FPR3: variants seen among roughly 807,000 people sequenced by gnomAD.
FPR3 encodes formyl peptide receptor 3, also known as N-formyl peptide receptor 3.
For missense variants in FPR3, 346 were observed against 443.2 expected (o/e 0.78, Z 1.97); for synonymous variants, 135 against 163.6 (o/e 0.83, Z 1.34).
Position 51,801,369 on chromosome 19 carries a change from GT to G in FPR3, c.-11+6041del, listed in dbSNP as rs571914016. On this transcript the variant is annotated intron_variant, in intron 1 of 1. Transcript: ENST00000339223. ...CAAATTGAAACAGTTTTACAATTTG[GT>G]TTGACTGGAAATTCAAAATCCATAT... Among the ~76,000 whole-genome samples the G allele has an allele frequency of 4.0e-3, 612 of 152,142 alleles. 4 individuals are homozygous for G. Among genetic ancestry groups the G allele is most frequent in the Middle Eastern group, 0.014 (4 of 294 alleles).
At chr19:51,799,927 C>T (rs2084019168) in intron 1 of FPR3, among the ~76,000 whole-genome samples, 1 of 152,228 alleles carries the variant, frequency 6.6e-6, no homozygotes, top group Non-Finnish European at 1.5e-5. Context: ...GGCCAGGATG[C>T]TGAGCTGGCC....
intron 1 of FPR3, among the ~76,000 whole-genome samples, 173 bp downstream of exon 1, chr19:51,795,504 CTTTTTTTTTTTTTTTT>C (rs58620565): frequency 2.7e-5 from 2 of 74,732 alleles, no homozygotes; most frequent in Non-Finnish European, 4.6e-5. Context: ...CAGTAACATT[CTTTTTTTTTTTTTTTT>C]TTTTTTTTTT....
chr19:51,816,963 C>A (rs1203688985), intron 1 of FPR3, among the ~76,000 whole-genome samples: 3 of 152,090 alleles, frequency 2.0e-5, no homozygotes. Context: ...ATTTTTTCAC[C>A]TTGGTAATTT....
intron 1 of FPR3, among the ~76,000 whole-genome samples, chr19:51,813,527 A>ATGGGATGT (rs1288530306): frequency 6.6e-6 from 1 of 151,834 alleles, no homozygotes; most frequent in East Asian, 1.9e-4. Context: ...ATAAAGGAGG[A>ATGGGATGT]TGGGATGTTT....
At chr19:51,823,070 C>T (rs1241660400) in intron 1 of FPR3, among the ~76,000 whole-genome samples, 1 of 152,058 alleles carries the variant, frequency 6.6e-6, no homozygotes, top group Admixed American at 6.5e-5. Context: ...ACCATGTTGG[C>T]CAGGCCAGTC....
intron 1 of FPR3, among the ~76,000 whole-genome samples, chr19:51,814,747 C>T (rs1207510272): frequency 6.6e-6 from 1 of 152,108 alleles, no homozygotes; most frequent in Non-Finnish European, 1.5e-5. Context: ...CCCACCTCGG[C>T]CTCCCAAAGT....
chr19:51,818,906 T>C (rs1278068574), intron 1 of FPR3, among the ~76,000 whole-genome samples: 1 of 152,190 alleles, frequency 6.6e-6, no homozygotes, highest in Non-Finnish European at 1.5e-5. Context: ...ATATAATTTG[T>C]CTGTGTCTGG....
At chr19:51,802,669 A>G (rs1310632821) in intron 1 of FPR3, among the ~76,000 whole-genome samples, 1 of 152,134 alleles carries the variant, frequency 6.6e-6, no homozygotes, top group African/African-American at 2.4e-5. Flanking sequence ...GGAAAACTTA[A>G]TTACTTTACC....
At position 51,816,463 on chromosome 19, in the gene FPR3, G is replaced by T. The variant is rs201668496; in HGVS notation, c.-10-7276G>T. 3.3e-5 allele frequency among the ~76,000 whole-genome samples: 5 copies of T among 152,300 alleles called. No individual in the cohort carries two copies. In the East Asian group the frequency reaches 5.8e-4, roughly 18 times the overall value. On this transcript the variant is annotated intron_variant, in intron 1 of 1. Transcript: ENST00000339223. Reference sequence around the variant, plus strand: ...AGGTTTTGCCACATTGGCCAGACTGGTCTCCAAATCCTGGCCTCAAGTGAT... The same window carrying T: ...AGGTTTTGCCACATTGGCCAGACTGTTCTCCAAATCCTGGCCTCAAGTGAT...
chr19:51,806,244 G>A (rs967550196), intron 1 of FPR3, among the ~76,000 whole-genome samples: 8 of 152,212 alleles, frequency 5.3e-5, no homozygotes, highest in African/African-American at 1.9e-4. Flanking sequence ...TGTTTCTCCA[G>A]TCTCCCATTC....
rs980875331 is a variant in FPR3 at position 51,795,194 on chromosome 19, C to G, written c.-148C>G. On this transcript the variant is annotated 5_prime_UTR_variant, in exon 1 of 2. Coordinates refer to ENST00000339223, the MANE Select transcript of FPR3 (RefSeq NM_002030.5). ...TTTGTTTTATAGCATGACAGGCTGT[C>G]TGATTCCATCTTTATAACCAAAGCC... 7.9e-5 allele frequency: 12 copies of G among 152,188 alleles called. No individual in the cohort carries two copies. The highest frequency in any genetic ancestry group is 1.8e-4 in the Non-Finnish European group (12 of 68,042). 9.4% of individuals were successfully genotyped at this position (152,188 alleles called of 1,614,324 possible).
At chr19:51,808,452 T>C (rs1432268185) in intron 1 of FPR3, among the ~76,000 whole-genome samples, 1 of 152,202 alleles carries the variant, frequency 6.6e-6, no homozygotes, top group South Asian at 2.1e-4. Flanking sequence ...AAGAATATCA[T>C]CCATATAATG....
intron 1 of FPR3, among the ~76,000 whole-genome samples, chr19:51,814,486 T>TTTTG (rs111878163): frequency 0.49 from 73,623 of 151,292 alleles, 18,635 homozygotes; most frequent in African/African-American, 0.64. Flanking sequence ...GGTTTTTGTT[T>TTTTG]TTTGTTTGTT....
rs774034054 is a variant in FPR3 at position 51,825,148 on chromosome 19, C to A, written c.*338C>A. 1 of 245,348 alleles carries A rather than the reference C, an allele frequency of 4.1e-6. No individual in the cohort carries two copies. Among genetic ancestry groups the A allele is most frequent in the African/African-American group, 2.3e-5 (1 of 43,898 alleles). The allele number at this position is 245,348 out of a possible 1,614,324, so 15.2% of individuals were successfully genotyped here. A position where few individuals can be genotyped will look rare whatever the true frequency, so the allele number is the denominator to read the frequency against. On this transcript the variant is annotated 3_prime_UTR_variant, in exon 2 of 2. Coordinates refer to ENST00000339223, the MANE Select transcript of FPR3 (RefSeq NM_002030.5). ...CAACCAGCTTCAATCAGGGTTCCCA[C>A]TACCCCCTCTTTGGGGGTAGAGTGG...
chr19:51,814,608 C>T (rs1019236069), intron 1 of FPR3, among the ~76,000 whole-genome samples: 3 of 152,040 alleles, frequency 2.0e-5, no homozygotes, highest in African/African-American at 7.3e-5. Context: ...ATTCTCCTGC[C>T]GCAGTCTCCT....
chr19:51,805,230 T>C (rs558496785), intron 1 of FPR3: 82 of 152,346 alleles, frequency 5.4e-4, no homozygotes, highest in African/African-American at 1.9e-3. Context: ...CATTCTCCGA[T>C]TGGCGGTCCA....
chr19:51,800,328 A>G (rs549938429), intron 1 of FPR3, among the ~76,000 whole-genome samples: 1 of 152,314 alleles, frequency 6.6e-6, no homozygotes, highest in South Asian at 2.1e-4. Flanking sequence ...GGTTTTGAAG[A>G]GAAAGTGAGA....
At chr19:51,809,049 G>C (rs1227665164) in intron 1 of FPR3, among the ~76,000 whole-genome samples, 1 of 152,164 alleles carries the variant, frequency 6.6e-6, no homozygotes, top group African/African-American at 2.4e-5. Flanking sequence ...TACTGATATT[G>C]GGTTAGGATT....
intron 1 of FPR3, among the ~76,000 whole-genome samples, chr19:51,799,109 C>A (rs139215773): frequency 6.6e-6 from 1 of 152,022 alleles, no homozygotes. Context: ...GGGAACCATT[C>A]GGACATTTGC....
Sources: allele counts gnomAD v4.1 joint callset (sites outside exome capture counted in the v4.1 genomes callset), GRCh38; gene constraint gnomAD v4.1.1; transcripts MANE v1.5; gene names NCBI Gene and HGNC (gene_info 2026-07-23, HGNC 2026-07-21).